Variants in TPP2 observed in about 807,000 individuals in gnomAD.
TPP2 encodes tripeptidyl peptidase 2.
TPP2 carries 34 observed loss-of-function variants against 155.9 expected under a neutral mutation model. That is an observed-to-expected ratio of 0.22 (90% CI 0.17 to 0.29). The LOEUF (loss-of-function observed/expected upper bound fraction) is 0.29. TPP2 is among the 10% of genes least tolerant of loss of function. The pLI is 1.00. For missense variants in TPP2, 1,028 were observed against 1,522.3 expected (o/e 0.68, Z 5.40); for synonymous variants, 510 against 529.4 (o/e 0.96, Z 0.50).
chr13:102,630,008 G>C (rs1881910105), intron 9 of TPP2, 88 bp from the exon 10 acceptor site: 1 of 1,086,006 alleles, frequency 9.2e-7, no homozygotes, highest in Admixed American at 1.8e-5. Flanking sequence ...GGTGTTGAGA[G>C]ATTAGGCAGT....
At chr13:102,621,631 C>T (rs770149924) in intron 5 of TPP2, among the ~76,000 whole-genome samples, 4 of 151,938 alleles carry the variant, frequency 2.6e-5, no homozygotes, top group African/African-American at 9.7e-5. Flanking sequence ...TGTTAAGAGC[C>T]GTTGGAAGAC....
chr13:102,631,564 G>A (rs1882020525), intron 10 of TPP2: 1 of 152,138 alleles, frequency 6.6e-6, no homozygotes, highest in South Asian at 2.1e-4. Flanking sequence ...TTATCTTATT[G>A]TCAATGTAAA....
rs1310664718 is a variant in TPP2 at position 102,676,348 on chromosome 13, G to C, written c.3632G>C (p.Gly1211Ala). The C allele has an allele frequency of 1.9e-6, 3 of 1,610,060 alleles. No homozygotes were observed. The highest frequency in any genetic ancestry group is 3.3e-5 in the Admixed American group (2 of 59,912). The change falls in exon 29 of 30, where the codon GGC (glycine) becomes GCC (alanine). Residue 1211 changes from glycine (G) to alanine (A), a missense_variant. By Grantham distance (60) the Gly-to-Ala change is moderately conservative. This residue lies in a region of TPP2 where 41 missense variants were observed against 78.3 expected (regional missense o/e 0.52). Transcript: ENST00000376052. ...TTAGTAAATAAAATGTATGGGAGAG[G>C]CCTTAAATTTGCAACTAAACTTGTG... ...HALVNKMYGRGLKFATKLVEE... is the reference protein window; with the variant it reads ...HALVNKMYGRALKFATKLVEE...
intron 24 of TPP2, among the ~76,000 whole-genome samples, chr13:102,651,777 TAA>T: frequency 6.6e-6 from 1 of 152,170 alleles, no homozygotes; most frequent in East Asian, 1.9e-4. Flanking sequence ...CACTTATTTT[TAA>T]AGTCTAAAAG....
chr13:102,676,551 A>G, intron 29 of TPP2, 136 bp downstream of exon 29: 1 of 1,060,536 alleles, frequency 9.4e-7, no homozygotes. Flanking sequence ...TTAGCGTAAT[A>G]TGAACTATAG....
chr13:102,674,651 C>CT (rs560770474), intron 28 of TPP2, among the ~76,000 whole-genome samples, 161 bp downstream of exon 28: 2 of 152,236 alleles, frequency 1.3e-5, no homozygotes, highest in Non-Finnish European at 2.9e-5. Flanking sequence ...TTTGTCTCAC[C>CT]TTTTTTTAAA....
rs780181900 is a variant in TPP2, at chr13:102,597,236, GCGCGGGCGGCCGGGGA to G, written c.165+40_165+55del. On this transcript the variant is annotated intron_variant, in intron 1 of 29. Transcript: ENST00000376052. The stretch of plus-strand genomic sequence containing the variant: ...GGCCCCCGAGGGCCCGGGCGCGGGG[GCGCGGGCGGCCGGGGA>G]CGCGGGTGGGGACACAGTCTCGGAG... 1.2e-4 allele frequency: 151 copies of G among 1,284,240 alleles called. No homozygotes were observed. In the African/African-American group the frequency reaches 2.1e-3, roughly 18 times the overall value. 79.6% of individuals were successfully genotyped at this position (1,284,240 alleles called of 1,614,324 possible).
intron 5 of TPP2, among the ~76,000 whole-genome samples, chr13:102,619,312 C>T (rs1880978673): frequency 6.6e-6 from 1 of 151,890 alleles, no homozygotes; most frequent in Admixed American, 6.6e-5. Flanking sequence ...TTTTTTAGTG[C>T]CTTATATACT....
At chr13:102,677,375 C>A (rs1021044101) in intron 29 of TPP2, among the ~76,000 whole-genome samples, 1 of 152,098 alleles carries the variant, frequency 6.6e-6, no homozygotes, top group Non-Finnish European at 1.5e-5. Flanking sequence ...CACTCTGCCC[C>A]CCCCGCTGCC....
chr13:102,650,141 T>C (rs1399959326), intron 23 of TPP2, among the ~76,000 whole-genome samples: 2 of 152,154 alleles, frequency 1.3e-5, no homozygotes, highest in Non-Finnish European at 2.9e-5. Flanking sequence ...GTTTTTTCCT[T>C]CTATGTTTTC....
chr13:102,644,405 TCTTA>T, intron 17 of TPP2, 148 bp from the exon 18 acceptor site: 1 of 586,042 alleles, frequency 1.7e-6, no homozygotes, highest in East Asian at 2.9e-5. Flanking sequence ...TTTGTCTAAC[TCTTA>T]CTTAGCATAG....
chr13:102,600,002 C>T (rs928435103), intron 1 of TPP2, among the ~76,000 whole-genome samples: 6 of 150,142 alleles, frequency 4.0e-5, no homozygotes, highest in African/African-American at 1.5e-4. Flanking sequence ...AAAAAAAAAA[C>T]CTTGTATTAT....
At chr13:102,662,894 A>G (rs1461242289) in intron 25 of TPP2, among the ~76,000 whole-genome samples, 2 of 152,122 alleles carry the variant, frequency 1.3e-5, no homozygotes, top group African/African-American at 2.4e-5. Context: ...TATTGACTCA[A>G]GACTGGAATT....
intron 19 of TPP2, 66 bp downstream of exon 19, chr13:102,645,075 AAAAAAGGGC>A: frequency 7.0e-7 from 1 of 1,425,450 alleles, no homozygotes; most frequent in Non-Finnish European, 9.5e-7. Context: ...TTACACTCTT[AAAAAAGGGC>A]CTTTTTTTTT....
At chr13:102,602,783 C>T (rs1029689127) in intron 1 of TPP2, among the ~76,000 whole-genome samples, 4 of 152,130 alleles carry the variant, frequency 2.6e-5, no homozygotes, top group South Asian at 2.1e-4. Flanking sequence ...TAAGCTTTGT[C>T]GTAAAGAGTG....
chr13:102,610,673 A>G (rs1355551181), intron 2 of TPP2, among the ~76,000 whole-genome samples: 3 of 152,236 alleles, frequency 2.0e-5, no homozygotes, highest in Non-Finnish European at 4.4e-5. Context: ...TCATTCTCTA[A>G]GGATGATATT....
intron 14 of TPP2, among the ~76,000 whole-genome samples, chr13:102,637,541 C>CTTGTTGTTG (rs11272845): frequency 0.31 from 47,103 of 150,982 alleles, 7,558 homozygotes; most frequent in Non-Finnish European, 0.36. Context: ...GCTGCAGTTG[C>CTTGTTGTTG]TTGTTGTTGT....
At chr13:102,624,142 A>G (rs1881378515) in intron 6 of TPP2, among the ~76,000 whole-genome samples, 1 of 152,172 alleles carries the variant, frequency 6.6e-6, no homozygotes, top group Admixed American at 6.5e-5. Context: ...GTAAAATTCT[A>G]AAACATGCCG....
In TPP2 at chr13:102,614,091, T is replaced by C. The variant is rs1566323870; in HGVS notation, c.295-10T>C. On this transcript the variant is annotated splice_polypyrimidine_tract_variant and intron_variant, in intron 2 of 29. Coordinates refer to ENST00000376052, the MANE Select transcript of TPP2 (RefSeq NM_001330588.2). Reference sequence around the variant, plus strand: ...AGTGAATGAACAGGTTACTCTTTTTTTTTCTGTAGATTCCTGCAAGCTGGA... The same window carrying C: ...AGTGAATGAACAGGTTACTCTTTTTCTTTCTGTAGATTCCTGCAAGCTGGA... 6.2e-7 allele frequency: 1 copy of C among 1,611,350 alleles called. No homozygotes were observed. The highest frequency in any genetic ancestry group is 1.1e-5 in the South Asian group (1 of 90,496).
Sources: gnomAD v4.1 joint callset for allele counts (sites outside exome capture counted in the v4.1 genomes callset) on GRCh38, gnomAD v4.1.1 for gene constraint, gnomAD v4.1.1 regional missense constraint, MANE v1.5 for transcripts, NCBI Gene and HGNC (gene_info 2026-07-23, HGNC 2026-07-21) for gene names.